FBXL17: variants seen among roughly 807,000 people sequenced by gnomAD.
FBXL17 encodes the protein F-box/LRR-repeat protein 17.
FBXL17 carries 22 observed loss-of-function variants against 66.2 expected under a neutral mutation model. The ratio of observed to expected loss-of-function variants is 0.33; its 90% confidence interval spans 0.24 to 0.47. The LOEUF is 0.47. Among genes scored for constraint, FBXL17 ranks in the 20% least tolerant of loss-of-function variants. The pLI, the probability that FBXL17 is intolerant of heterozygous loss-of-function variation, is 1.00. For synonymous variants in FBXL17, 474 were observed against 400.5 expected, an observed-to-expected ratio of 1.18 and a Z score of -2.19; for missense variants, 878 against 948.2, an observed-to-expected ratio of 0.93 and a Z score of 0.97.
At chr5:107,960,250 T>C (rs1362816073) in intron 7 of FBXL17, among the ~76,000 whole-genome samples, 1 of 152,180 alleles carries the variant, frequency 6.6e-6, no homozygotes, top group Non-Finnish European at 1.5e-5. Context: ...TTTTAAGGTG[T>C]ACAATGTGAT....
chr5:108,358,062 G>C (rs1748113743), intron 3 of FBXL17, among the ~76,000 whole-genome samples: 1 of 151,936 alleles, frequency 6.6e-6, no homozygotes, highest in African/African-American at 2.4e-5. Flanking sequence ...TCACTTATTA[G>C]TTCAAATGGG....
intron 4 of FBXL17, among the ~76,000 whole-genome samples, chr5:108,264,978 C>T (rs1580713054): frequency 6.6e-6 from 1 of 151,400 alleles, no homozygotes; most frequent in Non-Finnish European, 1.5e-5. Flanking sequence ...AGGTCAAAAG[C>T]CCTATTTCTT....
intron 7 of FBXL17, among the ~76,000 whole-genome samples, chr5:107,970,333 GAAAA>G (rs923178989): frequency 6.6e-6 from 1 of 151,694 alleles, no homozygotes; most frequent in Non-Finnish European, 1.5e-5. Context: ...TGAATTAGAT[GAAAA>G]AAAATGACCA....
intron 7 of FBXL17, among the ~76,000 whole-genome samples, chr5:107,999,093 CT>C (rs1753603499): frequency 6.6e-6 from 1 of 152,172 alleles, no homozygotes; most frequent in Non-Finnish European, 1.5e-5. Flanking sequence ...AGGACCTTGT[CT>C]ATACTTTCCA....
chr5:108,018,550 TCAA>T (rs1034193113), intron 7 of FBXL17, among the ~76,000 whole-genome samples: 1 of 152,102 alleles, frequency 6.6e-6, no homozygotes, highest in African/African-American at 2.4e-5. Context: ...TCATAACCTA[TCAA>T]CATTTCCCTC....
intron 4 of FBXL17, among the ~76,000 whole-genome samples, chr5:108,317,652 T>A (rs1274769243): frequency 6.6e-6 from 1 of 151,274 alleles, no homozygotes; most frequent in African/African-American, 2.4e-5. Flanking sequence ...TAAAAAAAAA[T>A]TTCAAACATC....
intron 6 of FBXL17, among the ~76,000 whole-genome samples, chr5:108,055,781 T>C (rs2112833828): frequency 6.6e-6 from 1 of 152,098 alleles, no homozygotes; most frequent in African/African-American, 2.4e-5. Flanking sequence ...CCTGGAGAAA[T>C]AAATCTTTAA....
chr5:108,048,458 G>A (rs191617107), intron 6 of FBXL17, among the ~76,000 whole-genome samples: 70 of 152,176 alleles, frequency 4.6e-4, no homozygotes, highest in East Asian at 1.4e-3. Context: ...AAGATGAGAC[G>A]GACAAACTGA....
intron 7 of FBXL17, among the ~76,000 whole-genome samples, chr5:107,903,652 C>T (rs540142134): frequency 2.6e-5 from 4 of 152,230 alleles, no homozygotes; most frequent in African/African-American, 7.2e-5. Flanking sequence ...GGTGGGACAT[C>T]TGCTGATAGG....
intron 7 of FBXL17, among the ~76,000 whole-genome samples, chr5:107,960,071 G>A (rs1205529751): frequency 3.3e-5 from 5 of 152,054 alleles, no homozygotes; most frequent in Admixed American, 6.6e-5. Context: ...ACAGAAATCC[G>A]GAGAACTCTG....
At chr5:108,166,221 G>T (rs897931697) in intron 6 of FBXL17, among the ~76,000 whole-genome samples, 2 of 152,152 alleles carry the variant, frequency 1.3e-5, no homozygotes, top group Admixed American at 6.5e-5. Flanking sequence ...TTGGAGAGCT[G>T]CCAATAAAAA....
chr5:108,028,224 C>A (rs1754902423), intron 6 of FBXL17, among the ~76,000 whole-genome samples: 1 of 151,986 alleles, frequency 6.6e-6, no homozygotes, highest in Non-Finnish European at 1.5e-5. Flanking sequence ...GAAACTGATG[C>A]CCACCACAAA....
chr5:108,047,262 T>C (rs1747288599), intron 6 of FBXL17, among the ~76,000 whole-genome samples: 2 of 152,342 alleles, frequency 1.3e-5, no homozygotes, highest in South Asian at 2.1e-4. Context: ...GTAAGTGTGC[T>C]ACCCAGCTAG....
chr5:108,307,225 A>C (rs913035204), intron 4 of FBXL17, among the ~76,000 whole-genome samples: 1 of 152,156 alleles, frequency 6.6e-6, no homozygotes, highest in African/African-American at 2.4e-5. Flanking sequence ...AAAAAAGAGA[A>C]AAAGCTTTAA....
At chr5:108,149,913 G>A (rs924777728) in intron 6 of FBXL17, among the ~76,000 whole-genome samples, 2 of 151,966 alleles carry the variant, frequency 1.3e-5, no homozygotes, top group Non-Finnish European at 2.9e-5. Flanking sequence ...CTGTTTCTAG[G>A]CCCCTTAACT....
At chr5:108,282,463 G>C (rs535529508) in intron 4 of FBXL17, among the ~76,000 whole-genome samples, 1 of 151,786 alleles carries the variant, frequency 6.6e-6, no homozygotes, top group African/African-American at 2.4e-5. Context: ...ATAAAATTAA[G>C]CATCCCTTCA....
At chr5:108,309,613 AT>A (rs1292938140) in intron 4 of FBXL17, among the ~76,000 whole-genome samples, 1 of 152,092 alleles carries the variant, frequency 6.6e-6, no homozygotes, top group Non-Finnish European at 1.5e-5. Context: ...TTGATTATTT[AT>A]CTTAGAATAA....
intron 4 of FBXL17, among the ~76,000 whole-genome samples, chr5:108,341,118 G>C (rs1746855611): frequency 6.6e-6 from 1 of 152,010 alleles, no homozygotes; most frequent in African/African-American, 2.4e-5. Context: ...CCTTCAATAG[G>C]AAATGAATAA....
rs560581375 is a variant in FBXL17, at chr5:108,184,199, C to T, written c.1745+1918G>A. Among the ~76,000 whole-genome samples, 57 of 152,162 alleles carry T rather than the reference C, an allele frequency of 3.7e-4. 1 individual carries two copies. Among genetic ancestry groups the T allele is most frequent in the East Asian group, 1.2e-3 (6 of 5,170 alleles). Reference sequence around the variant, plus strand: ...ACTTTGGGAGATCGAGGCGGCGGGGCGGGGGATCACTTAAGGCCAGTAGTT... The same window carrying T: ...ACTTTGGGAGATCGAGGCGGCGGGGTGGGGGATCACTTAAGGCCAGTAGTT... On this transcript the variant is annotated intron_variant, in intron 6 of 8. Coordinates refer to ENST00000542267, the MANE Select transcript of FBXL17 (RefSeq NM_001163315.3).
Sources: gnomAD v4.1 joint callset for allele counts (sites outside exome capture counted in the v4.1 genomes callset) on GRCh38, gnomAD v4.1.1 for gene constraint, MANE v1.5 for transcripts, NCBI Gene and HGNC (gene_info 2026-07-23, HGNC 2026-07-21) for gene names.